The following GPR89B variants were observed in gnomAD, a reference collection of about 807,000 sequenced individuals.
GPR89B encodes golgi pH regulator B.
In GPR89B, 25 loss-of-function variants were observed where a neutral mutation model predicts 52.4. That is an observed-to-expected ratio of 0.48 (90% CI 0.35 to 0.67). The LOEUF (loss-of-function observed/expected upper bound fraction) is 0.67, where lower values mean the gene tolerates loss of function less well. Ranked by LOEUF, GPR89B falls within the 30% of genes least tolerant of loss-of-function variation. GPR89B has a pLI of 0.01. For missense variants in GPR89B, 146 were observed against 450.2 expected (o/e 0.32, Z 6.11); for synonymous variants, 52 against 151.2 (o/e 0.34, Z 4.81).
chr1:148,009,490 A>C, the GPR89B span: 4 of 1,598,754 alleles, frequency 2.5e-6, no homozygotes, highest in East Asian at 2.2e-5. Flanking sequence ...CTTTGACCCA[A>C]CTCTTTCAAG....
rs587634565 is a variant in GPR89B, at chr1:147,935,653, A to G, written c.43-974A>G. Among the ~76,000 whole-genome samples the G allele has an allele frequency of 3.9e-5, 6 of 152,358 alleles. No homozygotes were observed. The South Asian group carries it at 1.2e-3, about 32-fold the overall frequency. ...AGAAAACTCTCTGAAGGAAGCAGAT[A>G]TAAAAAATATTAGGCTTTCTACTAC... On this transcript the variant is annotated intron_variant, in intron 1 of 13. Transcript: ENST00000314163.
chr1:147,998,205 GA>G (rs1474498221), downstream of GPR89B, among the ~76,000 whole-genome samples: 3 of 146,066 alleles, frequency 2.1e-5, no homozygotes, highest in African/African-American at 7.6e-5. Context: ...GTTAGGTGAT[GA>G]GTAGGAAATC....
chr1:147,977,246 A>C (rs1370336841), intron 10 of GPR89B, among the ~76,000 whole-genome samples: 2 of 149,854 alleles, frequency 1.3e-5, no homozygotes, highest in Non-Finnish European at 3.0e-5. Flanking sequence ...AAAAAAAAAA[A>C]AAAAAAAAAA....
At chr1:147,948,010 G>A (rs1409345688) in intron 5 of GPR89B, among the ~76,000 whole-genome samples, 1 of 152,146 alleles carries the variant, frequency 6.6e-6, no homozygotes, top group Non-Finnish European at 1.5e-5. Context: ...AACAAACTTG[G>A]TTTCTGCCCC....
At chr1:147,946,918 A>T (rs1318664000) in intron 5 of GPR89B, among the ~76,000 whole-genome samples, 3 of 152,160 alleles carry the variant, frequency 2.0e-5, no homozygotes, top group African/African-American at 7.2e-5. Flanking sequence ...TAACCCTCTA[A>T]GATAAGTAAG....
chr1:147,938,341 G>A (rs1654273846), intron 2 of GPR89B, among the ~76,000 whole-genome samples: 1 of 151,144 alleles, frequency 6.6e-6, no homozygotes, highest in Non-Finnish European at 1.5e-5. Context: ...CCCGAGGAAG[G>A]TTCCAGAACT....
At chr1:147,940,913 ATTAG>A (rs1197143063) in intron 3 of GPR89B, among the ~76,000 whole-genome samples, 6 of 148,642 alleles carry the variant, frequency 4.0e-5, no homozygotes, top group Non-Finnish European at 8.9e-5. Flanking sequence ...AAATTTCTTA[ATTAG>A]TTAAAGAGGA....
chr1:147,962,037 C>T (rs2149068781), intron 7 of GPR89B, among the ~76,000 whole-genome samples: 1 of 152,036 alleles, frequency 6.6e-6, no homozygotes, highest in East Asian at 1.9e-4. Context: ...AGGAATTCCT[C>T]TACCTGATCT....
intron 2 of GPR89B, 31 bp downstream of exon 2, chr1:147,936,717 C>G: frequency 1.3e-6 from 2 of 1,580,678 alleles, no homozygotes; most frequent in Non-Finnish European, 1.7e-6. Flanking sequence ...CATACTTACA[C>G]TATATGAATT....
intron 5 of GPR89B, among the ~76,000 whole-genome samples, chr1:147,949,252 G>GC: frequency 6.6e-6 from 1 of 151,978 alleles, no homozygotes; most frequent in East Asian, 1.9e-4. Flanking sequence ...TGTCATCATG[G>GC]CCCGGTCTCA....
chr1:147,929,391 CTG>C, intron 1 of GPR89B, among the ~76,000 whole-genome samples: 1 of 152,040 alleles, frequency 6.6e-6, no homozygotes, highest in South Asian at 2.1e-4. Flanking sequence ...TCATTTATGT[CTG>C]TGTTTCTGAT....
chr1:147,986,388 C>A (rs1351772294), intron 11 of GPR89B, 94 bp downstream of exon 11: 1 of 1,503,780 alleles, frequency 6.6e-7, no homozygotes, highest in African/African-American at 1.4e-5. Context: ...ACTTTAGGTA[C>A]TTGCTTCTGC....
the GPR89B span, among the ~76,000 whole-genome samples, chr1:148,007,213 C>A: frequency 3.5e-5 from 5 of 143,082 alleles, no homozygotes. Flanking sequence ...GTAGCTGGAA[C>A]TACAGGCGCC....
At position 147,986,237 on chromosome 1, in the gene GPR89B, G is replaced by T; in HGVS notation, c.948G>T (p.Thr316=). Residue 316 remains threonine, a synonymous_variant, in exon 11 of 14, where the codon ACG becomes ACT. Coordinates refer to ENST00000314163, the MANE Select transcript of GPR89B (RefSeq NM_016334.5). The part of the protein sequence containing the change: ...INIVFDRVGK[T]DPVTRGIEIT... The stretch of plus-strand genomic sequence containing the variant: ...TTGTTTTTGATCGAGTTGGGAAAAC[G>T]GATCCTGTCACAAGAGGCATTGAGA... The T allele has an allele frequency of 6.2e-7, 1 of 1,611,280 alleles. No homozygotes were observed. Among genetic ancestry groups the T allele is most frequent in the East Asian group, 2.2e-5 (1 of 44,844 alleles).
chr1:147,973,623 G>A (rs1256570416), intron 10 of GPR89B, among the ~76,000 whole-genome samples: 1 of 151,498 alleles, frequency 6.6e-6, no homozygotes, highest in Non-Finnish European at 1.5e-5. Flanking sequence ...TTGGTTGTCT[G>A]TTCACCCTGA....
chr1:147,945,147 T>G lies in GPR89B; in HGVS notation c.415+1049T>G, dbSNP rs1175269990. Among the ~76,000 whole-genome samples, 8 of 136,812 alleles carry G rather than the reference T, an allele frequency of 5.8e-5. 2 individuals carry two copies. Among genetic ancestry groups the G allele is most frequent in the African/African-American group, 2.2e-4 (8 of 36,106 alleles). The allele number at this position is 136,812 out of a possible 152,430, so 89.8% of individuals were successfully genotyped here. On this transcript the variant is annotated intron_variant, in intron 5 of 13. Coordinates refer to ENST00000314163, the MANE Select transcript of GPR89B (RefSeq NM_016334.5). Reference sequence around the variant, plus strand: ...TGAAGTTATCACCTGCCACTCAGGGTCTATGACATCAGGGACCTCAGTCCC... The same window carrying G: ...TGAAGTTATCACCTGCCACTCAGGGGCTATGACATCAGGGACCTCAGTCCC...
the GPR89B span, among the ~76,000 whole-genome samples, chr1:148,023,410 C>T: frequency 1.0e-4 from 15 of 145,976 alleles, no homozygotes; most frequent in Admixed American, 1.3e-4. Flanking sequence ...ATCATAGGAG[C>T]GCATGTGTCT....
intron 1 of GPR89B, among the ~76,000 whole-genome samples, chr1:147,930,626 A>AT (rs1388617398): frequency 6.6e-6 from 1 of 151,888 alleles, no homozygotes; most frequent in South Asian, 2.1e-4. Context: ...CTCCCTGCTC[A>AT]TTTTTTCTGT....
chr1:147,934,110 T>G (rs1424519339), intron 1 of GPR89B, among the ~76,000 whole-genome samples: 1 of 151,228 alleles, frequency 6.6e-6, no homozygotes, highest in East Asian at 1.9e-4. Flanking sequence ...CTCATGCCCT[T>G]TGCTATCTGG....
Sources: gnomAD v4.1 joint callset for allele counts (sites outside exome capture counted in the v4.1 genomes callset) on GRCh38, gnomAD v4.1.1 for gene constraint, MANE v1.5 for transcripts, NCBI Gene and HGNC (gene_info 2026-07-23, HGNC 2026-07-21) for gene names.